OPN4: variants seen among roughly 807,000 people sequenced by gnomAD.
OPN4 encodes the protein opsin 4.
In OPN4, 43 loss-of-function variants were observed where a neutral mutation model predicts 49.5. That is an observed-to-expected ratio of 0.87 (90% CI 0.68 to 1.12). OPN4 has a LOEUF of 1.12. Among genes scored for constraint, OPN4 ranks in the 50% most tolerant of loss-of-function variants. The probability of loss-of-function intolerance (pLI) is 0.00; values close to 1 mark genes in which losing one functional copy is unlikely to be tolerated. For missense variants in OPN4, 657 were observed against 643.9 expected (o/e 1.02, Z -0.22); for synonymous variants, 263 against 258.0 (o/e 1.02, Z -0.19).
rs1434410163 is a variant in OPN4 at position 86,661,353 on chromosome 10, C to T, written c.1038C>T (p.Asn346=). The stretch of plus-strand genomic sequence containing the variant: ...TCGCCAAGGCCTCTGCAATCCACAA[C>T]CCCATCATTTACGCCATCACCCACC... The part of the protein sequence containing the change: ...AVIAKASAIH[N]PIIYAITHPK... The change falls in exon 7 of 10, where the codon AAC becomes AAT. Residue 346 remains asparagine, a synonymous_variant. Transcript: ENST00000241891. The T allele has an allele frequency of 1.2e-6, 2 of 1,614,076 alleles. No individual in the cohort carries two copies. The highest frequency in any genetic ancestry group is 4.5e-5 in the East Asian group (2 of 44,880).
chr10:86,658,172 G>T lies in OPN4; in HGVS notation c.424+7G>T. 6.2e-7 allele frequency: 1 copy of T among 1,612,558 alleles called. No individual in the cohort carries two copies. The highest frequency in any genetic ancestry group is 8.5e-7 in the Non-Finnish European group (1 of 1,179,646). On this transcript the variant is annotated splice_region_variant and intron_variant, in intron 3 of 9. Transcript: ENST00000241891. ...TGGCTCTTTGGGGAGACAGGTAGAT[G>T]CTGGGGCTCCCTTTTGCTGGAGGGA...
At chr10:86,665,637 T>C in intron 9 of OPN4, 76 bp from the exon 10 acceptor site, 1 of 1,222,628 alleles carries the variant, frequency 8.2e-7, no homozygotes, top group East Asian at 2.3e-5. Flanking sequence ...GGTGACCCAG[T>C]GTGTGGAGGG....
chr10:86,658,382 T>C, intron 3 of OPN4, 102 bp from the exon 4 acceptor site: 1 of 1,337,560 alleles, frequency 7.5e-7, no homozygotes, highest in Non-Finnish European at 1.0e-6. Context: ...GGGGGTGGAG[T>C]GCGCTCAGTC....
intron 9 of OPN4, 64 bp from the exon 10 acceptor site, chr10:86,665,649 C>T (rs1457611375): frequency 4.3e-5 from 60 of 1,395,078 alleles, no homozygotes; most frequent in Non-Finnish European, 5.5e-5. Context: ...TGTGGAGGGT[C>T]ATCGGGAGAC....
chr10:86,665,939 C>T lies in OPN4; in HGVS notation c.*188C>T, dbSNP rs1054606010. 2.6e-5 allele frequency: 15 copies of T among 580,246 alleles called. No individual in the cohort carries two copies. The highest frequency in any genetic ancestry group is 9.4e-5 in the African/African-American group (5 of 53,194). 35.9% of individuals were successfully genotyped at this position (580,246 alleles called of 1,614,324 possible). The stretch of plus-strand genomic sequence containing the variant: ...ACACCTCAAAACTCCTGCCCCATAA[C>T]GTCCTCCGCATCCACTTTCCAGCTC... On this transcript the variant is annotated 3_prime_UTR_variant, in exon 10 of 10. Coordinates refer to ENST00000241891, the MANE Select transcript of OPN4 (RefSeq NM_033282.4).
Position 86,665,794 on chromosome 10 carries a change from C to G in OPN4, c.*43C>G. 5.3e-6 allele frequency: 8 copies of G among 1,504,260 alleles called. No individual in the cohort carries two copies. The highest frequency in any genetic ancestry group is 7.4e-6 in the Non-Finnish European group (8 of 1,082,038). The allele number at this position is 1,504,260 out of a possible 1,614,324, so 93.2% of individuals were successfully genotyped here. A position where few individuals can be genotyped will look rare whatever the true frequency, so the allele number is the denominator to read the frequency against. ...CCTTTCTTCTGAGACACATCCAGCC[C>G]CCCCACGTCTCCCTCATATACACAG... On this transcript the variant is annotated 3_prime_UTR_variant, in exon 10 of 10. Transcript: ENST00000241891.
chr10:86,665,847 G>A lies in OPN4; in HGVS notation c.*96G>A. On this transcript the variant is annotated 3_prime_UTR_variant, in exon 10 of 10. Transcript: ENST00000241891. ...CCAGGATTATGCTGTGAGCCTGCAG[G>A]CTTTGGAAGTGGCCCTGTCACCCGT... 4.8e-6 allele frequency: 5 copies of A among 1,035,340 alleles called. No individual in the cohort carries two copies. Among genetic ancestry groups the A allele is most frequent in the Non-Finnish European group, 7.4e-6 (5 of 679,614 alleles). The allele number at this position is 1,035,340 out of a possible 1,614,324, so 64.1% of individuals were successfully genotyped here.
At chr10:86,657,384 G>A (rs930303736) in intron 2 of OPN4, among the ~76,000 whole-genome samples, 8 of 152,174 alleles carry the variant, frequency 5.3e-5, no homozygotes, top group African/African-American at 1.7e-4. Flanking sequence ...GACAGGAGCC[G>A]AGGCTGGTGA....
chr10:86,666,352 A>T lies in OPN4; in HGVS notation c.*601A>T, dbSNP rs866917286. 1 of 196,384 alleles carries T rather than the reference A, an allele frequency of 5.1e-6. No homozygotes were observed. The highest frequency in any genetic ancestry group is 1.3e-4 in the East Asian group (1 of 7,656). 12.2% of individuals were successfully genotyped at this position (196,384 alleles called of 1,614,324 possible). On this transcript the variant is annotated 3_prime_UTR_variant, in exon 10 of 10. Coordinates refer to ENST00000241891, the MANE Select transcript of OPN4 (RefSeq NM_033282.4). ...ATGCACACCAAGCACATGCGTGCAC[A>T]CTCTGCGTCTGTGATTCATTTCATG... is the stretch of plus-strand genomic sequence containing the variant.
intron 2 of OPN4, 136 bp downstream of exon 2, chr10:86,656,436 G>A (rs2132299388): frequency 2.6e-6 from 3 of 1,137,204 alleles, no homozygotes; most frequent in African/African-American, 1.6e-5. Flanking sequence ...GCAGGGCCAT[G>A]CCTTCGATGA....
rs1843961017 is a variant in OPN4, at chr10:86,659,883, C to T, written c.801-12C>T. 1.9e-6 allele frequency: 3 copies of T among 1,613,732 alleles called. No individual in the cohort carries two copies. The highest frequency in any genetic ancestry group is 1.1e-5 in the South Asian group (1 of 91,064). On this transcript the variant is annotated splice_polypyrimidine_tract_variant and intron_variant, in intron 5 of 9. Transcript: ENST00000241891. ...CGACTAGGGTCAGACCTGGACGATG[C>T]GTCCTTCCTAGGGCTCTCCAGACCT...
chr10:86,658,258 C>A, intron 3 of OPN4, 93 bp downstream of exon 3: 1 of 1,521,916 alleles, frequency 6.6e-7, no homozygotes. Flanking sequence ...AGGTGATTTG[C>A]TGCTTCTGGG....
In OPN4 at chr10:86,658,581, C is replaced by T. The variant is rs1843927257; in HGVS notation, c.522C>T (p.Arg174=). 6.2e-7 allele frequency: 1 copy of T among 1,614,208 alleles called. No homozygotes were observed. Among genetic ancestry groups the T allele is most frequent in the Non-Finnish European group, 8.5e-7 (1 of 1,180,044 alleles). The change falls in exon 4 of 10, where the codon CGC becomes CGT. Residue 174 remains arginine (R), a synonymous_variant. Coordinates refer to ENST00000241891, the MANE Select transcript of OPN4 (RefSeq NM_033282.4). ...TGGACCGCTACCTGGTAATCACACG[C>T]CCGCTGGCCACCTTTGGTGTGGCGT... ...IALDRYLVIT[R]PLATFGVASK...
At position 86,658,584 on chromosome 10, in the gene OPN4, G is replaced by A. The variant is rs758378941; in HGVS notation, c.525G>A (p.Pro175=). 2.0e-5 allele frequency: 32 copies of A among 1,614,036 alleles called. No individual in the cohort carries two copies. The highest frequency in any genetic ancestry group is 3.3e-5 in the South Asian group (3 of 91,086). ...ALDRYLVITR[P]LATFGVASKR... Reference sequence around the variant, plus strand: ...ACCGCTACCTGGTAATCACACGCCCGCTGGCCACCTTTGGTGTGGCGTCCA... The same window carrying A: ...ACCGCTACCTGGTAATCACACGCCCACTGGCCACCTTTGGTGTGGCGTCCA... Residue 175 remains proline (P), a synonymous_variant, in exon 4 of 10, where the codon CCG becomes CCA. Transcript: ENST00000241891.
chr10:86,664,690 A>G (rs907325659), intron 9 of OPN4, among the ~76,000 whole-genome samples: 1 of 152,088 alleles, frequency 6.6e-6, no homozygotes, highest in African/African-American at 2.4e-5. Flanking sequence ...GCATCCAAGA[A>G]CGAAAGCCCT....
In OPN4 at chr10:86,662,428, A is replaced by T; in HGVS notation, c.1250A>T (p.Glu417Val). 1.3e-6 allele frequency: 2 copies of T among 1,547,140 alleles called. No individual in the cohort carries two copies. The highest frequency in any genetic ancestry group is 1.7e-6 in the Non-Finnish European group (2 of 1,148,124). The change falls in exon 8 of 10, where the codon GAG becomes GTG. Residue 417 changes from glutamate to valine, a missense_variant. By Grantham distance (121) the Glu-to-Val change is moderately radical (BLOSUM62 -2). Coordinates refer to ENST00000241891, the MANE Select transcript of OPN4 (RefSeq NM_033282.4). ...RRQESLGSES[E>V]VGWTHMEAAA... is the part of the protein sequence containing the mutation. ...CAGGAGTCCCTGGGCTCGGAGAGTG[A>T]GGTGGTAAGGATGCTGGGCCCTCAC...
rs1383596241 is a variant in OPN4, at chr10:86,665,729, C to G, written c.1415C>G (p.Pro472Arg). ...TGTTTGCAGACCAAGGGGCTGATCC[C>G]CAGCCAGGACCCCAGGATGTAGGAC... ...ETPGKTKGLI[P>R]SQDPRM is the part of the protein sequence containing the mutation. The change falls in exon 10 of 10, where the codon CCC becomes CGC. Residue 472 changes from proline to arginine, a missense_variant. Physicochemically the swap from Pro to Arg is moderately radical, Grantham distance 103 (BLOSUM62 -2). Coordinates refer to ENST00000241891, the MANE Select transcript of OPN4 (RefSeq NM_033282.4). 1.2e-6 allele frequency: 2 copies of G among 1,613,466 alleles called. No homozygotes were observed. Among genetic ancestry groups the G allele is most frequent in the Non-Finnish European group, 1.7e-6 (2 of 1,179,612 alleles).
At chr10:86,664,060 T>C (rs1844085430) in intron 9 of OPN4, 2 of 445,414 alleles carry the variant, frequency 4.5e-6, no homozygotes, top group Non-Finnish European at 8.1e-6. Flanking sequence ...CTCTGCATGG[T>C]GCTGTTGGCT....
chr10:86,665,912 C>A lies in OPN4; in HGVS notation c.*161C>A. 1.6e-6 allele frequency: 1 copy of A among 621,452 alleles called. No homozygotes were observed. Among genetic ancestry groups the A allele is most frequent in the East Asian group, 2.8e-5 (1 of 36,036 alleles). 38.5% of individuals were successfully genotyped at this position (621,452 alleles called of 1,614,324 possible). A position where few individuals can be genotyped will look rare whatever the true frequency, so the allele number is the denominator to read the frequency against. The stretch of plus-strand genomic sequence containing the variant: ...ACAGCCCCAGCCCCATGGCCCCTCT[C>A]CACACCTCAAAACTCCTGCCCCATA... On this transcript the variant is annotated 3_prime_UTR_variant, in exon 10 of 10. Coordinates refer to ENST00000241891, the MANE Select transcript of OPN4 (RefSeq NM_033282.4).
Sources: gnomAD v4.1 joint callset for allele counts (sites outside exome capture counted in the v4.1 genomes callset) on GRCh38, gnomAD v4.1.1 for gene constraint, MANE v1.5 for transcripts, NCBI Gene and HGNC (gene_info 2026-07-23, HGNC 2026-07-21) for gene names.